The following THSD7B variants were observed in gnomAD, a reference collection of about 807,000 sequenced individuals.
The protein encoded by THSD7B is thrombospondin type-1 domain-containing protein 7B.
Under a neutral mutation model 213.6 loss-of-function variants are expected in THSD7B, and 138 were observed. The observed-to-expected ratio is 0.65, with a 90% CI of 0.56 to 0.74. The LOEUF is 0.74. Among genes scored for constraint, THSD7B ranks in the 30% least tolerant of loss-of-function variants. THSD7B has a pLI of 0.00. For missense variants in THSD7B, 1,931 were observed against 1,991.5 expected (o/e 0.97, Z 0.58); for synonymous variants, 742 against 687.0 (o/e 1.08, Z -1.25).
chr2:137,060,329 A>T (rs188554304), intron 3 of THSD7B, among the ~76,000 whole-genome samples: 37 of 151,774 alleles, frequency 2.4e-4, no homozygotes, highest in African/African-American at 8.7e-4. Flanking sequence ...CATTTTCTTG[A>T]TGGTGTTGTT....
chr2:137,251,587 A>G (rs1226121208), intron 10 of THSD7B, among the ~76,000 whole-genome samples: 27 of 152,160 alleles, frequency 1.8e-4, no homozygotes, highest in Non-Finnish European at 1.0e-4. Context: ...ACCCAAGGCC[A>G]TATATAAGGT....
intron 7 of THSD7B, among the ~76,000 whole-genome samples, chr2:137,211,336 A>ACACACACACACACACACACAGAGG (rs1681099302): frequency 1.3e-5 from 1 of 77,262 alleles, no homozygotes. Context: ...CTTCCTACAC[A>ACACACACACACACACACACAGAGG]CACACACACA....
At chr2:137,042,149 G>A (rs1686895217) in intron 2 of THSD7B, among the ~76,000 whole-genome samples, 1 of 151,600 alleles carries the variant, frequency 6.6e-6, no homozygotes, top group African/African-American at 2.4e-5. Context: ...ACATGTGGCA[G>A]ATCTCGGACT....
At chr2:137,595,820 A>G (rs542772251) in intron 17 of THSD7B, among the ~76,000 whole-genome samples, 87 of 152,098 alleles carry the variant, frequency 5.7e-4, no homozygotes, top group African/African-American at 1.9e-3. Flanking sequence ...TTAAAAAATA[A>G]TATTATTACA....
At chr2:137,039,631 C>T (rs1383639124) in intron 2 of THSD7B, among the ~76,000 whole-genome samples, 3 of 152,168 alleles carry the variant, frequency 2.0e-5, no homozygotes, top group Non-Finnish European at 4.4e-5. Flanking sequence ...GTGTTAGGAG[C>T]GTCCATACTT....
intron 2 of THSD7B, among the ~76,000 whole-genome samples, chr2:136,918,636 C>T (rs569954633): frequency 5.9e-5 from 9 of 152,234 alleles, no homozygotes; most frequent in South Asian, 2.1e-4. Context: ...GTAAGGATAA[C>T]GACAGAAGGG....
At chr2:136,918,893 G>A (rs1460341723) in intron 2 of THSD7B, among the ~76,000 whole-genome samples, 2 of 152,094 alleles carry the variant, frequency 1.3e-5, no homozygotes, top group Non-Finnish European at 2.9e-5. Context: ...CCTGACCTGG[G>A]TTAATAAAAT....
intron 1 of THSD7B, among the ~76,000 whole-genome samples, chr2:136,855,852 ACC>A: frequency 6.6e-6 from 1 of 151,962 alleles, no homozygotes; most frequent in South Asian, 2.1e-4. Flanking sequence ...TCTCAAAGAC[ACC>A]AAGTGCACCC....
chr2:137,548,624 G>C (rs1465840223), intron 15 of THSD7B, among the ~76,000 whole-genome samples: 1 of 152,014 alleles, frequency 6.6e-6, no homozygotes, highest in Non-Finnish European at 1.5e-5. Flanking sequence ...GCTAGCTGCA[G>C]TCTCCAGACT....
chr2:137,271,190 C>A (rs1332501610), intron 10 of THSD7B, among the ~76,000 whole-genome samples: 1 of 151,368 alleles, frequency 6.6e-6, no homozygotes, highest in African/African-American at 2.4e-5. Flanking sequence ...TCTCTCCATT[C>A]TTTATAACCC....
At position 137,258,549 on chromosome 2, in the gene THSD7B, C is replaced by T. The variant is rs139931056; in HGVS notation, c.2267-13984C>T. ...AGTTCTTACTCAAATATTCCCTTCTCATTGAAGATTTTGAAATTTAAAATT... is the reference window on the plus strand; with the variant it reads ...AGTTCTTACTCAAATATTCCCTTCTTATTGAAGATTTTGAAATTTAAAATT... On this transcript the variant is annotated intron_variant, in intron 10 of 27. Transcript: ENST00000409968. Among the ~76,000 whole-genome samples the T allele has an allele frequency of 8.5e-5, 13 of 152,152 alleles. No homozygotes were observed. The East Asian group carries it at 2.5e-3, about 29-fold the overall frequency.
chr2:137,378,883 C>T (rs1685717352), intron 12 of THSD7B, among the ~76,000 whole-genome samples: 1 of 152,170 alleles, frequency 6.6e-6, no homozygotes, highest in African/African-American at 2.4e-5. Flanking sequence ...GTTTCTCCTC[C>T]CTCCTCTGTG....
At chr2:137,097,819 G>A (rs566533329) in intron 4 of THSD7B, among the ~76,000 whole-genome samples, 7 of 137,790 alleles carry the variant, frequency 5.1e-5, no homozygotes, top group South Asian at 2.3e-4. Context: ...CCTTTAAAAC[G>A]GTGAAGCTGT....
intron 4 of THSD7B, among the ~76,000 whole-genome samples, chr2:137,095,679 A>G (rs140866550): frequency 3.2e-4 from 48 of 152,258 alleles, no homozygotes; most frequent in African/African-American, 1.1e-3. Context: ...AAAGGATTTA[A>G]CATATATTAA....
At chr2:137,414,872 A>G (rs544835914) in intron 14 of THSD7B, among the ~76,000 whole-genome samples, 3 of 152,146 alleles carry the variant, frequency 2.0e-5, no homozygotes, top group African/African-American at 7.2e-5. Context: ...CCTGGCCAAC[A>G]TGGCAAAACC....
At chr2:137,231,281 A>G in intron 8 of THSD7B, 46 bp downstream of exon 8, 1 of 1,527,280 alleles carries the variant, frequency 6.5e-7, no homozygotes, top group Non-Finnish European at 8.9e-7. Context: ...TAGCCCAATT[A>G]TTATCATTTT....
intron 2 of THSD7B, among the ~76,000 whole-genome samples, chr2:136,895,294 A>C (rs1683935966): frequency 6.6e-6 from 1 of 151,744 alleles, no homozygotes; most frequent in Non-Finnish European, 1.5e-5. Context: ...GATAGAACTG[A>C]AACTTGCCCA....
intron 2 of THSD7B, among the ~76,000 whole-genome samples, chr2:136,946,886 T>G (rs914623409): frequency 6.6e-6 from 1 of 152,218 alleles, no homozygotes; most frequent in African/African-American, 2.4e-5. Flanking sequence ...AGGTACAGTC[T>G]GTCGTGACTT....
chr2:137,197,429 A>G (rs1351677935), intron 7 of THSD7B, among the ~76,000 whole-genome samples: 1 of 152,222 alleles, frequency 6.6e-6, no homozygotes. Context: ...CACAAGTAAA[A>G]AATAAAAATA....
Sources: allele counts gnomAD v4.1 joint callset (sites outside exome capture counted in the v4.1 genomes callset), GRCh38; gene constraint gnomAD v4.1.1; transcripts MANE v1.5; gene names NCBI Gene and HGNC (gene_info 2026-07-23, HGNC 2026-07-21).